CABIN1: variants seen among roughly 807,000 people sequenced by gnomAD.
CABIN1 encodes the protein calcineurin binding protein 1.
A neutral mutation model predicts 227.7 loss-of-function variants in CABIN1; 133 were observed. That is an observed-to-expected ratio of 0.58 (90% CI 0.51 to 0.67). The LOEUF (loss-of-function observed/expected upper bound fraction) is 0.67. CABIN1 is among the 30% of genes least tolerant of loss of function. The pLI is 0.00. For missense variants in CABIN1, 2,408 were observed against 2,852.5 expected (o/e 0.84, Z 3.55); for synonymous variants, 1,086 against 1,155.1 (o/e 0.94, Z 1.21).
chr22:24,151,105 G>T lies in CABIN1; in HGVS notation c.4747-13295G>T, dbSNP rs902199944. Among the ~76,000 whole-genome samples, 5 of 152,144 alleles carry T rather than the reference G, an allele frequency of 3.3e-5. No individual in the cohort carries two copies. In the East Asian group the frequency reaches 7.7e-4, roughly 23 times the overall value. The stretch of plus-strand genomic sequence containing the variant: ...TGTGAGCCTACTTGGGAACCCGAAC[G>T]CCCTTGGAGGTACCAGCTCTGCCTA... On this transcript the variant is annotated intron_variant, in intron 29 of 36. Coordinates refer to ENST00000263119, the MANE Select transcript of CABIN1 (RefSeq NM_012295.4).
intron 1 of CABIN1, among the ~76,000 whole-genome samples, chr22:24,021,226 C>T (rs1003169922): frequency 1.3e-5 from 2 of 151,684 alleles, no homozygotes; most frequent in Non-Finnish European, 2.9e-5. Context: ...CACTATCTTG[C>T]CCAGGGTGGT....
intron 27 of CABIN1, among the ~76,000 whole-genome samples, chr22:24,114,007 C>G (rs2042946426): frequency 6.6e-6 from 1 of 152,230 alleles, no homozygotes; most frequent in African/African-American, 2.4e-5. Flanking sequence ...TGTTATGACC[C>G]TCACAACCCA....
Position 24,166,887 on chromosome 22 carries a change from C to A in CABIN1, c.5256C>A (p.Ser1752Arg), listed in dbSNP as rs775065390. The A allele has an allele frequency of 6.2e-7, 1 of 1,610,404 alleles. No homozygotes were observed. The highest frequency in any genetic ancestry group is 2.2e-5 in the East Asian group (1 of 44,772). Residue 1752 changes from serine (S) to arginine (R), a missense_variant, in exon 32 of 37, where the codon AGC (serine) becomes AGA (arginine). By Grantham distance (110) the Ser-to-Arg change is moderately radical. This residue lies in a region of CABIN1 where 714 missense variants were observed against 773.8 expected (regional missense o/e 0.92). Transcript: ENST00000263119. The stretch of plus-strand genomic sequence containing the variant: ...GCGGGGAGCGGAAGGATAAAGAGAG[C>A]CCACGGGCAGGGCCCACTGAGCCCA... ...DQSGERKDKE[S>R]PRAGPTEPMD...
intron 1 of CABIN1, among the ~76,000 whole-genome samples, chr22:24,022,677 G>A (rs929497218): frequency 4.6e-5 from 7 of 152,160 alleles, no homozygotes; most frequent in African/African-American, 1.4e-4. Flanking sequence ...TTCTAGCATG[G>A]TTGAACCATT....
intron 1 of CABIN1, among the ~76,000 whole-genome samples, chr22:24,021,262 C>T (rs1010770394): frequency 2.0e-5 from 3 of 151,900 alleles, no homozygotes; most frequent in African/African-American, 7.3e-5. Flanking sequence ...TCAAAGGATC[C>T]TCCAACCCCA....
chr22:24,142,335 G>C (rs1401406763), intron 29 of CABIN1, among the ~76,000 whole-genome samples: 1 of 152,142 alleles, frequency 6.6e-6, no homozygotes, highest in African/African-American at 2.4e-5. Flanking sequence ...GGCAGGGAGT[G>C]CCTAGTGACT....
At chr22:24,166,557 G>T in intron 31 of CABIN1, 82 bp from the exon 32 acceptor site, 1 of 1,561,966 alleles carries the variant, frequency 6.4e-7, no homozygotes. Flanking sequence ...AGAGGCCCAG[G>T]TTGGGCTCAC....
chr22:24,062,141 A>AG (rs2039238615), intron 13 of CABIN1, 116 bp downstream of exon 13: 1 of 847,050 alleles, frequency 1.2e-6, no homozygotes, highest in East Asian at 2.6e-5. Flanking sequence ...CAGTAGGCAC[A>AG]TTTTTTGGGT....
At chr22:24,138,873 T>C (rs1296405788) in intron 29 of CABIN1, among the ~76,000 whole-genome samples, 2 of 152,202 alleles carry the variant, frequency 1.3e-5, no homozygotes, top group African/African-American at 4.8e-5. Flanking sequence ...CTTCTTGCCC[T>C]CTCTGCAGCA....
At chr22:24,132,139 A>G (rs2044115249) in intron 28 of CABIN1, among the ~76,000 whole-genome samples, 1 of 151,762 alleles carries the variant, frequency 6.6e-6, no homozygotes, top group South Asian at 2.1e-4. Flanking sequence ...CAGGATGGAC[A>G]CCTGCCTGGG....
intron 29 of CABIN1, among the ~76,000 whole-genome samples, chr22:24,146,150 A>G (rs1347767693): frequency 6.6e-6 from 1 of 152,218 alleles, no homozygotes; most frequent in Non-Finnish European, 1.5e-5. Flanking sequence ...AAAAGTTTAA[A>G]TTGAGGAAAT....
intron 13 of CABIN1, 99 bp downstream of exon 13, chr22:24,062,124 A>G (rs2039236822): frequency 3.1e-6 from 3 of 975,476 alleles, no homozygotes; most frequent in Admixed American, 3.7e-5. Context: ...ATTTAGCCTT[A>G]TATCTACAGT....
intron 23 of CABIN1, among the ~76,000 whole-genome samples, chr22:24,088,894 A>G (rs537168680): frequency 1.2e-3 from 185 of 152,280 alleles, no homozygotes; most frequent in African/African-American, 3.4e-3. Context: ...CTGTGGATCT[A>G]GTACATTCCT....
intron 6 of CABIN1, among the ~76,000 whole-genome samples, chr22:24,045,484 G>A (rs2037799273): frequency 6.6e-6 from 1 of 151,432 alleles, no homozygotes; most frequent in Non-Finnish European, 1.5e-5. Context: ...AACTGGGTGG[G>A]GTGGTGCACA....
intron 12 of CABIN1, 102 bp from the exon 13 acceptor site, chr22:24,061,845 T>A: frequency 1.2e-6 from 1 of 810,476 alleles, no homozygotes; most frequent in Non-Finnish European, 2.1e-6. Context: ...ATTATATTTT[T>A]ATCAAAAAGT....
rs559396938 is a variant in CABIN1 at position 24,178,277 on chromosome 22, C to A, written c.*81C>A. The A allele has an allele frequency of 4.9e-5, 77 of 1,558,658 alleles. No homozygotes were observed. The highest frequency in any genetic ancestry group is 6.6e-5 in the Non-Finnish European group (76 of 1,143,618). On this transcript the variant is annotated 3_prime_UTR_variant, in exon 37 of 37. Coordinates refer to ENST00000263119, the MANE Select transcript of CABIN1 (RefSeq NM_012295.4). ...CCCCTGGGCAGGACCCTGGGCAGGACCAGAGGCCCACATGGATGCCACTCC... is the reference window on the plus strand; with the variant it reads ...CCCCTGGGCAGGACCCTGGGCAGGAACAGAGGCCCACATGGATGCCACTCC...
At chr22:24,136,764 CACAG>C (rs1239745577) in intron 29 of CABIN1, among the ~76,000 whole-genome samples, 2 of 151,728 alleles carry the variant, frequency 1.3e-5, no homozygotes, top group Admixed American at 6.6e-5. Context: ...CACACACACA[CACAG>C]AAAGGCTCAG....
At chr22:24,145,879 A>G (rs1390702091) in intron 29 of CABIN1, among the ~76,000 whole-genome samples, 2 of 152,208 alleles carry the variant, frequency 1.3e-5, no homozygotes, top group Non-Finnish European at 2.9e-5. Context: ...ATTGGGATTG[A>G]TTGTGGCTTT....
At chr22:24,068,691 CA>C (rs1177476113) in intron 16 of CABIN1, among the ~76,000 whole-genome samples, 1 of 152,170 alleles carries the variant, frequency 6.6e-6, no homozygotes, top group Non-Finnish European at 1.5e-5. Flanking sequence ...TTTTTCTCAA[CA>C]AATCTTGCAA....
Sources: allele counts gnomAD v4.1 joint callset (sites outside exome capture counted in the v4.1 genomes callset), GRCh38; gene constraint gnomAD v4.1.1; regional missense constraint gnomAD v4.1.1; transcripts MANE v1.5; gene names NCBI Gene and HGNC (gene_info 2026-07-23, HGNC 2026-07-21).